Variants in SUPT3H observed in about 807,000 individuals in gnomAD.
The protein encoded by SUPT3H is SPT3 homolog, SAGA and STAGA complex component.
In SUPT3H, 44 loss-of-function variants were observed where a neutral mutation model predicts 44.3. That is an observed-to-expected ratio of 0.99 (90% CI 0.78 to 1.28). SUPT3H has a LOEUF of 1.28. Among genes scored for constraint, SUPT3H ranks in the 50% most tolerant of loss-of-function variants. The probability of loss-of-function intolerance (pLI) is 0.00; values close to 1 mark genes in which losing one functional copy is unlikely to be tolerated. For synonymous variants in SUPT3H, 124 were observed against 125.6 expected, an observed-to-expected ratio of 0.99 and a Z score of 0.09; for missense variants, 380 against 387.1, an observed-to-expected ratio of 0.98 and a Z score of 0.15.
intron 2 of SUPT3H, among the ~76,000 whole-genome samples, chr6:45,320,921 CAATAT>C (rs1785388377): frequency 1.3e-5 from 2 of 151,894 alleles, no homozygotes; most frequent in South Asian, 4.2e-4. Flanking sequence ...AACAGTAGTA[CAATAT>C]AATAGTATTT....
intron 2 of SUPT3H, 108 bp downstream of exon 2, chr6:45,365,093 T>C (rs1184923757): frequency 9.7e-6 from 7 of 718,632 alleles, no homozygotes; most frequent in Non-Finnish European, 1.5e-5. Flanking sequence ...ACTTGATTAA[T>C]AACAAATTAT....
intron 3 of SUPT3H, among the ~76,000 whole-genome samples, chr6:45,033,878 T>G (rs1562306475): frequency 1.3e-5 from 2 of 152,164 alleles, no homozygotes; most frequent in Non-Finnish European, 2.9e-5. Flanking sequence ...CCTCCAAGTC[T>G]CTAATCAGAA....
intron 2 of SUPT3H, among the ~76,000 whole-genome samples, chr6:45,170,443 C>A (rs1562598172): frequency 6.6e-6 from 1 of 152,216 alleles, no homozygotes; most frequent in South Asian, 2.1e-4. Flanking sequence ...TCTCTGCCCT[C>A]TCCAGCCAAA....
intron 2 of SUPT3H, chr6:45,323,075 C>T (rs1009556267): frequency 8.9e-6 from 6 of 671,476 alleles, no homozygotes; most frequent in Admixed American, 3.2e-5. Context: ...ATTACTGTGC[C>T]GGTTGTGAAA....
intron 2 of SUPT3H, among the ~76,000 whole-genome samples, chr6:45,293,709 C>T (rs758354067): frequency 2.0e-5 from 3 of 152,092 alleles, no homozygotes; most frequent in African/African-American, 4.8e-5. Context: ...CTATGAAGAC[C>T]TTTACATCCA....
intron 2 of SUPT3H, among the ~76,000 whole-genome samples, chr6:45,207,706 G>T (rs984005332): frequency 1.3e-5 from 2 of 151,930 alleles, no homozygotes; most frequent in South Asian, 2.1e-4. Flanking sequence ...ACTGATTTTT[G>T]ATGCTACCAC....
chr6:44,950,342 T>A (rs1774090998), intron 9 of SUPT3H, among the ~76,000 whole-genome samples: 1 of 152,212 alleles, frequency 6.6e-6, no homozygotes, highest in Non-Finnish European at 1.5e-5. Flanking sequence ...CCTAAGAAAT[T>A]CACAGGCAAA....
intron 2 of SUPT3H, among the ~76,000 whole-genome samples, chr6:45,345,169 G>T (rs541270095): frequency 7.2e-5 from 11 of 152,210 alleles, no homozygotes; most frequent in Admixed American, 3.3e-4. Flanking sequence ...AAAAATCTTT[G>T]ACACTTTATA....
At chr6:45,074,243 A>T (rs1355877394) in intron 3 of SUPT3H, among the ~76,000 whole-genome samples, 1 of 152,014 alleles carries the variant, frequency 6.6e-6, no homozygotes, top group Admixed American at 6.6e-5. Context: ...AAGCATAAAA[A>T]CTATAACCAT....
intron 2 of SUPT3H, among the ~76,000 whole-genome samples, chr6:45,276,404 T>C (rs547651312): frequency 1.1e-4 from 17 of 152,216 alleles, no homozygotes; most frequent in African/African-American, 3.4e-4. Flanking sequence ...AAAAAAGTTA[T>C]GCACTAAAAT....
At chr6:45,256,649 T>C (rs1011358998) in intron 2 of SUPT3H, among the ~76,000 whole-genome samples, 2 of 151,970 alleles carry the variant, frequency 1.3e-5, no homozygotes, top group African/African-American at 4.8e-5. Flanking sequence ...ATCTGCTTTC[T>C]GTTGGTATAA....
intron 2 of SUPT3H, among the ~76,000 whole-genome samples, chr6:45,357,068 A>G (rs1299576725): frequency 6.6e-6 from 1 of 152,060 alleles, no homozygotes; most frequent in East Asian, 1.9e-4. Flanking sequence ...GTGCAGTGGC[A>G]CGATCTCGGC....
intron 3 of SUPT3H, among the ~76,000 whole-genome samples, chr6:45,048,347 G>T (rs940002556): frequency 6.7e-6 from 1 of 149,162 alleles, no homozygotes; most frequent in Admixed American, 6.8e-5. Flanking sequence ...CCAGATCAAT[G>T]TCATGGAGCT....
intron 2 of SUPT3H, among the ~76,000 whole-genome samples, chr6:45,283,721 T>A (rs575376548): frequency 6.7e-6 from 1 of 150,324 alleles, no homozygotes; most frequent in Non-Finnish European, 1.5e-5. Context: ...GAACTCAGCT[T>A]TTCACCAAAC....
intron 2 of SUPT3H, among the ~76,000 whole-genome samples, chr6:45,261,588 A>G (rs879377105): frequency 6.6e-6 from 1 of 152,190 alleles, no homozygotes; most frequent in Non-Finnish European, 1.5e-5. Context: ...TCAAATAGTA[A>G]GAATCATCTA....
intron 2 of SUPT3H, among the ~76,000 whole-genome samples, chr6:45,283,315 A>T (rs144420995): frequency 0.026 from 3,887 of 152,300 alleles, 192 homozygotes; most frequent in African/African-American, 0.088. Context: ...GTCAAGACCC[A>T]TCAGTGTGCT....
chr6:45,158,199 TAGAG>T (rs1311755420), intron 2 of SUPT3H, among the ~76,000 whole-genome samples: 8 of 101,660 alleles, frequency 7.9e-5, no homozygotes, highest in African/African-American at 2.0e-4. Flanking sequence ...GTAGAAACCA[TAGAG>T]ATAGATAGAT....
chr6:45,041,895 G>C (rs1788590429), intron 3 of SUPT3H, among the ~76,000 whole-genome samples: 1 of 151,986 alleles, frequency 6.6e-6, no homozygotes, highest in African/African-American at 2.4e-5. Context: ...GATGATTATG[G>C]GCTTATCCTA....
At chr6:45,282,478 G>C (rs1019839732) in intron 2 of SUPT3H, among the ~76,000 whole-genome samples, 1 of 152,142 alleles carries the variant, frequency 6.6e-6, no homozygotes, top group Non-Finnish European at 1.5e-5. Context: ...CTGGAAGAAA[G>C]GGTATCAGTG....
Sources: allele counts gnomAD v4.1 joint callset (sites outside exome capture counted in the v4.1 genomes callset), GRCh38; gene constraint gnomAD v4.1.1; transcripts MANE v1.5; gene names NCBI Gene and HGNC (gene_info 2026-07-23, HGNC 2026-07-21).